PDE1A: variants seen among roughly 807,000 people sequenced by gnomAD.
PDE1A encodes dual specificity calcium/calmodulin-dependent 3',5'-cyclic nucleotide phosphodiesterase 1A.
In PDE1A, 35 loss-of-function variants were observed where a neutral mutation model predicts 61.7. The observed-to-expected ratio is 0.57, with a 90% CI of 0.43 to 0.75. The LOEUF (loss-of-function observed/expected upper bound fraction) is 0.75, where lower values mean the gene tolerates loss of function less well. PDE1A is among the 30% of genes least tolerant of loss of function. PDE1A has a pLI of 0.00. For synonymous variants in PDE1A, 232 were observed against 213.2 expected, an observed-to-expected ratio of 1.09 and a Z score of -0.77; for missense variants, 597 against 630.6, an observed-to-expected ratio of 0.95 and a Z score of 0.57.
the PDE1A span, among the ~76,000 whole-genome samples, chr2:182,635,698 C>CTCTGTCTA: frequency 6.8e-6 from 1 of 147,622 alleles, no homozygotes; most frequent in Non-Finnish European, 1.5e-5. Flanking sequence ...CTCTCTCTCT[C>CTCTGTCTA]TCCACATATG....
intron 2 of PDE1A, among the ~76,000 whole-genome samples, chr2:182,514,185 C>T (rs1689993513): frequency 6.6e-6 from 1 of 152,144 alleles, no homozygotes; most frequent in African/African-American, 2.4e-5. Flanking sequence ...AGAGATGACA[C>T]AAATAAATGG....
chr2:182,222,101 T>G (rs1471618387), intron 7 of PDE1A, among the ~76,000 whole-genome samples: 2 of 152,006 alleles, frequency 1.3e-5, no homozygotes, highest in African/African-American at 4.8e-5. Context: ...CATGTATGCT[T>G]ATATCAGTAT....
chr2:182,232,334 A>G (rs1689650882), intron 4 of PDE1A, among the ~76,000 whole-genome samples: 1 of 152,230 alleles, frequency 6.6e-6, no homozygotes, highest in South Asian at 2.1e-4. Context: ...ATACACATAC[A>G]GTAGGTTTAG....
the PDE1A span, among the ~76,000 whole-genome samples, chr2:182,568,275 T>C: frequency 1.3e-5 from 2 of 152,204 alleles, no homozygotes; most frequent in African/African-American, 4.8e-5. Flanking sequence ...GAAAAAAACA[T>C]TTTTCATTGA....
At chr2:182,627,992 T>G in the PDE1A span, among the ~76,000 whole-genome samples, 1 of 151,306 alleles carries the variant, frequency 6.6e-6, no homozygotes, top group Non-Finnish European at 1.5e-5. Flanking sequence ...AAAAATTAAT[T>G]CAAATTATTT....
chr2:182,278,275 A>G (rs1223044976), intron 1 of PDE1A, among the ~76,000 whole-genome samples: 1 of 152,024 alleles, frequency 6.6e-6, no homozygotes, highest in African/African-American at 2.4e-5. Context: ...GAGTCTTCTA[A>G]TTTCAAAGTC....
At chr2:182,331,088 T>C (rs1347093793) in intron 1 of PDE1A, among the ~76,000 whole-genome samples, 2 of 152,194 alleles carry the variant, frequency 1.3e-5, no homozygotes, top group Non-Finnish European at 2.9e-5. Context: ...TCTATTTATT[T>C]TGTATCCCCA....
intron 1 of PDE1A, among the ~76,000 whole-genome samples, chr2:182,385,010 G>GA: frequency 6.6e-6 from 1 of 152,266 alleles, no homozygotes; most frequent in South Asian, 2.1e-4. Flanking sequence ...GGAGAGGGCA[G>GA]AATGATAGAT....
chr2:182,595,833 T>C, the PDE1A span, among the ~76,000 whole-genome samples: 39 of 152,300 alleles, frequency 2.6e-4, no homozygotes, highest in South Asian at 3.5e-3. Flanking sequence ...GGAATAAAGA[T>C]TAGGAGGGTG....
At chr2:182,282,970 C>T (rs1387174913) in intron 1 of PDE1A, among the ~76,000 whole-genome samples, 2 of 152,054 alleles carry the variant, frequency 1.3e-5, no homozygotes, top group East Asian at 1.9e-4. Context: ...CTAAAACAAG[C>T]AGAACTTTCT....
intron 2 of PDE1A, among the ~76,000 whole-genome samples, chr2:182,494,428 T>A (rs1688585764): frequency 7.6e-6 from 1 of 131,342 alleles, no homozygotes; most frequent in African/African-American, 2.8e-5. Flanking sequence ...CCAACCACCA[T>A]CCCTTAGCCC....
chr2:182,597,320 A>G, the PDE1A span, among the ~76,000 whole-genome samples: 2 of 152,212 alleles, frequency 1.3e-5, no homozygotes, highest in Non-Finnish European at 2.9e-5. Flanking sequence ...GGATAGGTAT[A>G]TGACTTATTC....
chr2:182,218,845 T>C (rs2125584672), intron 7 of PDE1A, among the ~76,000 whole-genome samples: 1 of 152,240 alleles, frequency 6.6e-6, no homozygotes, highest in East Asian at 1.9e-4. Flanking sequence ...GTTGTTTTAA[T>C]TATCATTATT....
intron 1 of PDE1A, among the ~76,000 whole-genome samples, chr2:182,310,092 T>C (rs956725367): frequency 6.6e-6 from 1 of 152,028 alleles, no homozygotes; most frequent in Non-Finnish European, 1.5e-5. Context: ...AAAAATGAAA[T>C]CTGCAGAAAG....
At chr2:182,168,343 A>G in intron 13 of PDE1A, 1 of 1,493,758 alleles carries the variant, frequency 6.7e-7, no homozygotes, top group African/African-American at 1.4e-5. Context: ...AATGCTGTAA[A>G]GAAGTTATGA....
chr2:182,259,142 C>T (rs1692047154), intron 2 of PDE1A, among the ~76,000 whole-genome samples: 1 of 152,202 alleles, frequency 6.6e-6, no homozygotes, highest in African/African-American at 2.4e-5. Flanking sequence ...TTCTACCAGA[C>T]TAACTTCTCA....
At chr2:182,204,837 G>A (rs1359692235) in intron 8 of PDE1A, among the ~76,000 whole-genome samples, 3 of 152,150 alleles carry the variant, frequency 2.0e-5, no homozygotes, top group African/African-American at 7.2e-5. Flanking sequence ...GGCCTGAACT[G>A]TGTCTCCAAA....
chr2:182,609,794 G>A, the PDE1A span, among the ~76,000 whole-genome samples: 2 of 152,040 alleles, frequency 1.3e-5, no homozygotes, highest in Non-Finnish European at 1.5e-5. Context: ...CCCATTCCTA[G>A]GAAAAAGAAA....
At position 182,309,898 on chromosome 2, in the gene PDE1A, C is replaced by A. The variant is rs573626494; in HGVS notation, c.54-45484G>T. 1.6e-4 allele frequency among the ~76,000 whole-genome samples: 25 copies of A among 152,098 alleles called. No individual in the cohort carries two copies. In the South Asian group the frequency reaches 5.0e-3, roughly 30 times the overall value. ...TCAATAAAATAGTTAAAATAGGAAT[C>A]AAAGGCACCAAGAAGGTAATTTAAA... is the stretch of plus-strand genomic sequence containing the variant. On this transcript the variant is annotated intron_variant, in intron 1 of 13. Coordinates refer to ENST00000351439, the Ensembl canonical transcript of PDE1A.
Sources: gnomAD v4.1 joint callset for allele counts (sites outside exome capture counted in the v4.1 genomes callset) on GRCh38, gnomAD v4.1.1 for gene constraint, MANE v1.5 for transcripts, NCBI Gene and HGNC (gene_info 2026-07-23, HGNC 2026-07-21) for gene names.